The following ULK4 variants were observed in gnomAD, a reference collection of about 807,000 sequenced individuals.
ULK4 encodes the protein inactive serine/threonine-protein kinase ULK4.
ULK4 carries 133 observed loss-of-function variants against 160.6 expected under a neutral mutation model. That is an observed-to-expected ratio of 0.83 (90% CI 0.72 to 0.96). The LOEUF is 0.96. ULK4 is among the 40% of genes least tolerant of loss of function. The pLI is 0.00. For synonymous variants in ULK4, 534 were observed against 539.8 expected, an observed-to-expected ratio of 0.99 and a Z score of 0.15; for missense variants, 1,580 against 1,499.5, an observed-to-expected ratio of 1.05 and a Z score of -0.89.
In ULK4 at chr3:41,626,279, AATTT is replaced by A. The variant is rs1384415114; in HGVS notation, c.3072-10566_3072-10563del. On this transcript the variant is annotated intron_variant, in intron 30 of 36. Transcript: ENST00000301831. ...CCTTAATGTTGGAAAAAAATTTTTT[AATTT>A]ATTTATTAATGTTTGATAGTCCAAG... 3.9e-5 allele frequency among the ~76,000 whole-genome samples: 6 copies of A among 152,122 alleles called. No homozygotes were observed. In the South Asian group the frequency reaches 6.2e-4, roughly 16 times the overall value.
intron 17 of ULK4, among the ~76,000 whole-genome samples, chr3:41,870,995 GCTTCTC>G (rs1418037112): frequency 1.3e-5 from 2 of 152,090 alleles, no homozygotes; most frequent in Admixed American, 6.6e-5. Flanking sequence ...TTTATAAGGG[GCTTCTC>G]CCTTCACTCA....
At chr3:41,723,957 A>G (rs930356714) in intron 22 of ULK4, among the ~76,000 whole-genome samples, 2 of 152,230 alleles carry the variant, frequency 1.3e-5, no homozygotes, top group African/African-American at 4.8e-5. Context: ...CATTCATGCT[A>G]AAGTTCACAT....
intron 10 of ULK4, 49 bp downstream of exon 10, chr3:41,911,492 C>CT (rs747644234): frequency 6.3e-7 from 1 of 1,590,128 alleles, no homozygotes; most frequent in Non-Finnish European, 8.6e-7. Flanking sequence ...ATTAGGAACT[C>CT]TCTCAAACAA....
intron 21 of ULK4, among the ~76,000 whole-genome samples, chr3:41,755,551 TC>T (rs1200961802): frequency 6.6e-6 from 1 of 152,040 alleles, no homozygotes; most frequent in Non-Finnish European, 1.5e-5. Flanking sequence ...AAAATCCATC[TC>T]CCCAGAGTCC....
chr3:41,658,237 ATACT>A (rs1396070940), intron 30 of ULK4, among the ~76,000 whole-genome samples: 1 of 152,204 alleles, frequency 6.6e-6, no homozygotes, highest in African/African-American at 2.4e-5. Context: ...AAAATTACAA[ATACT>A]TACACCAGTG....
At chr3:41,503,154 G>A (rs1041677900) in intron 32 of ULK4, among the ~76,000 whole-genome samples, 5 of 152,148 alleles carry the variant, frequency 3.3e-5, no homozygotes, top group African/African-American at 4.8e-5. Flanking sequence ...AATGTGAAAA[G>A]GAATGCTACA....
chr3:41,422,649 C>T (rs2082687653), intron 34 of ULK4, among the ~76,000 whole-genome samples: 1 of 151,742 alleles, frequency 6.6e-6, no homozygotes, highest in Admixed American at 6.6e-5. Flanking sequence ...GTCATTTTTA[C>T]CTATCAAATG....
intron 22 of ULK4, among the ~76,000 whole-genome samples, chr3:41,721,368 T>A (rs1331580233): frequency 2.5e-4 from 28 of 112,100 alleles, no homozygotes; most frequent in Non-Finnish European, 4.5e-4. Flanking sequence ...ATATATTTTT[T>A]TTTTTTTTTT....
At chr3:41,447,367 G>C (rs1348715362) in intron 34 of ULK4, among the ~76,000 whole-genome samples, 1 of 152,002 alleles carries the variant, frequency 6.6e-6, no homozygotes, top group Non-Finnish European at 1.5e-5. Flanking sequence ...CTTTCTGGAG[G>C]AGCTCTTTTC....
At chr3:41,828,486 G>A (rs2041452434) in intron 18 of ULK4, among the ~76,000 whole-genome samples, 2 of 137,596 alleles carry the variant, frequency 1.5e-5, no homozygotes, top group African/African-American at 3.1e-5. Flanking sequence ...AAAATCACAA[G>A]CATTCTTATA....
At position 41,715,532 on chromosome 3, in the gene ULK4, C is replaced by T. The variant is rs202044928; in HGVS notation, c.2492G>A (p.Arg831His). Residue 831 changes from arginine to histidine, a missense_variant, in exon 24 of 37, where the codon CGT (arginine) becomes CAT (histidine). Physicochemically the swap from Arg to His is conservative, Grantham distance 29. Coordinates refer to ENST00000301831, the MANE Select transcript of ULK4 (RefSeq NM_017886.4). ...ILNSLANVSG[R>H]KHPSTVQVKQ... ...CACTTGAACTGTTGATGGGTGTTTA[C>T]GTCCAGAAACATTAGCCAAGGAGTT... 1.5e-5 allele frequency: 25 copies of T among 1,613,908 alleles called. No individual in the cohort carries two copies. The highest frequency in any genetic ancestry group is 3.3e-4 in the Middle Eastern group (2 of 6,078).
Position 41,367,058 on chromosome 3 carries a change from C to T in ULK4, c.3678+31021G>A, listed in dbSNP as rs563204721. On this transcript the variant is annotated intron_variant, in intron 35 of 36. Coordinates refer to ENST00000301831, the MANE Select transcript of ULK4 (RefSeq NM_017886.4). ...AATCTTTCAAGTTGTCATCAGGGTACTAATTAGATATTTTTAAAGACCTGT... is the reference window on the plus strand; with the variant it reads ...AATCTTTCAAGTTGTCATCAGGGTATTAATTAGATATTTTTAAAGACCTGT... Among the ~76,000 whole-genome samples the T allele has an allele frequency of 2.6e-5, 4 of 152,292 alleles. No individual in the cohort carries two copies. In the South Asian group the frequency reaches 8.3e-4, roughly 32 times the overall value.
At chr3:41,392,462 C>G (rs372442730) in intron 35 of ULK4, among the ~76,000 whole-genome samples, 4 of 152,152 alleles carry the variant, frequency 2.6e-5, no homozygotes, top group East Asian at 1.9e-4. Context: ...AGGGCCCTTT[C>G]TGTGATTCAT....
At chr3:41,718,110 G>A (rs929380136) in intron 22 of ULK4, among the ~76,000 whole-genome samples, 5 of 152,134 alleles carry the variant, frequency 3.3e-5, no homozygotes, top group African/African-American at 4.8e-5. Flanking sequence ...GAATGGAAAC[G>A]AACAATATTC....
chr3:41,863,871 G>C (rs1013792782), intron 17 of ULK4, among the ~76,000 whole-genome samples: 4 of 151,738 alleles, frequency 2.6e-5, no homozygotes, highest in Non-Finnish European at 5.9e-5. Flanking sequence ...GCAGAAGGAA[G>C]GGGTCTTTTT....
intron 16 of ULK4, among the ~76,000 whole-genome samples, chr3:41,889,356 G>A (rs1697834553): frequency 6.6e-6 from 1 of 151,914 alleles, no homozygotes. Context: ...AAAAGAAAAT[G>A]AACAAAACCT....
intron 2 of ULK4, among the ~76,000 whole-genome samples, chr3:41,946,568 C>T (rs2148836016): frequency 6.6e-6 from 1 of 152,288 alleles, no homozygotes; most frequent in Non-Finnish European, 1.5e-5. Context: ...CTAAATATTC[C>T]TTATTCTCTT....
chr3:41,816,029 T>C (rs756242806), intron 19 of ULK4, among the ~76,000 whole-genome samples: 12 of 152,008 alleles, frequency 7.9e-5, no homozygotes, highest in African/African-American at 2.2e-4. Flanking sequence ...GACAGAAGGA[T>C]TGCTTGAGCC....
chr3:41,477,847 T>G (rs1320849006), intron 32 of ULK4, among the ~76,000 whole-genome samples: 2 of 152,228 alleles, frequency 1.3e-5, no homozygotes, highest in African/African-American at 2.4e-5. Context: ...CATGACAATG[T>G]GACCAAACAT....
Sources: gnomAD v4.1 joint callset for allele counts (sites outside exome capture counted in the v4.1 genomes callset) on GRCh38, gnomAD v4.1.1 for gene constraint, MANE v1.5 for transcripts, NCBI Gene and HGNC (gene_info 2026-07-23, HGNC 2026-07-21) for gene names.